HESX1: variants seen among roughly 807,000 people sequenced by gnomAD.
HESX1 encodes HESX homeobox 1, also known as homeobox expressed in ES cells 1.
Under a neutral mutation model 22.5 loss-of-function variants are expected in HESX1, and 11 were observed. The observed-to-expected ratio is 0.49, with a 90% CI of 0.31 to 0.81. The LOEUF (loss-of-function observed/expected upper bound fraction) is 0.81. Among genes scored for constraint, HESX1 ranks in the 30% least tolerant of loss-of-function variants. The pLI is 0.05. For synonymous variants in HESX1, 74 were observed against 76.5 expected (o/e 0.97, Z 0.17); for missense variants, 201 against 212.6 (o/e 0.95, Z 0.34).
chr3:57,224,419 T>C (rs1559503266), intron 1 of HESX1, among the ~76,000 whole-genome samples: 1 of 152,210 alleles, frequency 6.6e-6, no homozygotes, highest in Non-Finnish European at 1.5e-5. Flanking sequence ...ATTACAAGCA[T>C]GAGCTACTGT....
At chr3:57,217,893 C>T (rs2060591543) in intron 1 of HESX1, among the ~76,000 whole-genome samples, 1 of 152,110 alleles carries the variant, frequency 6.6e-6, no homozygotes, top group Non-Finnish European at 1.5e-5. Flanking sequence ...GATGCCTCCT[C>T]ATCTTCACAG....
chr3:57,199,885 C>G lies in HESX1; in HGVS notation c.34G>C (p.Gly12Arg), dbSNP rs375305919. The G allele has an allele frequency of 1.9e-6, 3 of 1,614,006 alleles. No homozygotes were observed. Among genetic ancestry groups the G allele is most frequent in the East Asian group, 2.2e-5 (1 of 44,868 alleles). The change falls in exon 1 of 4, where the codon GGG becomes CGG. Residue 12 changes from glycine (G) to arginine (R), a missense_variant. Gly to Arg is a moderately radical substitution (Grantham distance 125). Transcript: ENST00000295934. ...GAGCAAGTTGAGGGTTTGTTTTCCC[C>G]GAGCTGAGCGCCTTCCTGAAGGCTG... ...SPSLQEGAQL[G>R]ENKPSTCSFS...
chr3:57,226,845 T>G (rs2060649251), upstream of HESX1, among the ~76,000 whole-genome samples: 1 of 152,172 alleles, frequency 6.6e-6, no homozygotes, highest in African/African-American at 2.4e-5. Context: ...AGCCTACAAC[T>G]ATACAGAGAC....
At chr3:57,203,240 T>C (rs1212422722), upstream of HESX1, among the ~76,000 whole-genome samples, 1 of 152,200 alleles carries the variant, frequency 6.6e-6, no homozygotes, top group African/African-American at 2.4e-5. Context: ...ATATACTACT[T>C]GCTAGGCATT....
At chr3:57,199,333 C>T (rs952682288) in intron 1 of HESX1, among the ~76,000 whole-genome samples, 1 of 152,078 alleles carries the variant, frequency 6.6e-6, no homozygotes, top group Non-Finnish European at 1.5e-5. Context: ...AAGTCCTAGA[C>T]TCTGGCTGGG....
At chr3:57,224,120 G>A (rs1409230696) in intron 1 of HESX1, among the ~76,000 whole-genome samples, 1 of 152,074 alleles carries the variant, frequency 6.6e-6, no homozygotes. Context: ...AGCCTCCCGA[G>A]TAGCTGGGAT....
At chr3:57,221,363 C>G (rs547536094) in intron 1 of HESX1, among the ~76,000 whole-genome samples, 130 of 152,052 alleles carry the variant, frequency 8.5e-4, no homozygotes, top group Middle Eastern at 6.8e-3. Flanking sequence ...TGTCATGTTG[C>G]TCAGGCTGGT....
upstream of HESX1, among the ~76,000 whole-genome samples, chr3:57,204,690 T>C (rs2060509904): frequency 6.6e-6 from 1 of 152,086 alleles, no homozygotes; most frequent in East Asian, 1.9e-4. Context: ...TCCCAGAACT[T>C]TGGGAGGCTG....
intron 1 of HESX1, among the ~76,000 whole-genome samples, chr3:57,216,157 T>C (rs532964336): frequency 1.2e-4 from 19 of 152,346 alleles, no homozygotes; most frequent in Middle Eastern, 3.4e-3. Context: ...ATAACTTCCT[T>C]CACAGTAAAA....
At chr3:57,207,728 G>A (rs1460336623) in intron 1 of HESX1, among the ~76,000 whole-genome samples, 2 of 152,068 alleles carry the variant, frequency 1.3e-5, no homozygotes, top group Non-Finnish European at 2.9e-5. Context: ...ATCATCAATA[G>A]GGACAAGCAA....
At chr3:57,214,481 G>A (rs2060573139) in intron 1 of HESX1, among the ~76,000 whole-genome samples, 1 of 152,120 alleles carries the variant, frequency 6.6e-6, no homozygotes, top group South Asian at 2.1e-4. Context: ...AGATTATCTG[G>A]GTCTAAATTC....
chr3:57,205,878 G>T (rs747064533), intron 1 of HESX1, among the ~76,000 whole-genome samples: 13 of 151,996 alleles, frequency 8.6e-5, no homozygotes, highest in Non-Finnish European at 1.8e-4. Context: ...TTTGTGTCCT[G>T]TTCACTCCCT....
chr3:57,203,982 T>C (rs1559498778), upstream of HESX1, among the ~76,000 whole-genome samples: 1 of 152,166 alleles, frequency 6.6e-6, no homozygotes, highest in African/African-American at 2.4e-5. Flanking sequence ...TTGACTTCAC[T>C]GTGAGATCAT....
intron 1 of HESX1, among the ~76,000 whole-genome samples, chr3:57,222,973 T>C (rs1286045191): frequency 6.6e-6 from 1 of 152,180 alleles, no homozygotes; most frequent in Admixed American, 6.5e-5. Flanking sequence ...AAAAGCTTCC[T>C]TAAATGTATT....
chr3:57,206,995 T>C (rs1249240086), intron 1 of HESX1, among the ~76,000 whole-genome samples: 3 of 152,124 alleles, frequency 2.0e-5, no homozygotes, highest in Non-Finnish European at 2.9e-5. Flanking sequence ...TCGCCCAGGC[T>C]GGAGTGCAGT....
intron 1 of HESX1, 55 bp from the exon 2 acceptor site, chr3:57,199,007 G>C: frequency 6.7e-7 from 1 of 1,487,894 alleles, no homozygotes; most frequent in Non-Finnish European, 9.4e-7. Flanking sequence ...GTTCCACAAA[G>C]TTCTATAGAG....
chr3:57,219,664 GC>G (rs536251740), intron 1 of HESX1, among the ~76,000 whole-genome samples: 69 of 152,236 alleles, frequency 4.5e-4, no homozygotes, highest in African/African-American at 1.6e-3. Flanking sequence ...ACCGCACCTG[GC>G]CTCCTTTGCC....
chr3:57,215,869 A>G (rs2060580252), intron 1 of HESX1, among the ~76,000 whole-genome samples: 1 of 152,222 alleles, frequency 6.6e-6, no homozygotes. Flanking sequence ...TCACGATTAT[A>G]GCTATGTACC....
chr3:57,205,562 C>G (rs1457159220), intron 1 of HESX1, among the ~76,000 whole-genome samples: 1 of 152,222 alleles, frequency 6.6e-6, no homozygotes, highest in Non-Finnish European at 1.5e-5. Context: ...ACACTGGACT[C>G]TTCCTGAAAA....
Sources: allele counts gnomAD v4.1 joint callset (sites outside exome capture counted in the v4.1 genomes callset), GRCh38; gene constraint gnomAD v4.1.1; transcripts MANE v1.5; gene names NCBI Gene and HGNC (gene_info 2026-07-23, HGNC 2026-07-21).